Variants in CYP4Z1 observed in about 807,000 individuals in gnomAD.
CYP4Z1 encodes the protein cytochrome P450 family 4 subfamily Z member 1, also known as cytochrome P450 4Z1.
In CYP4Z1, 41 loss-of-function variants were observed where a neutral mutation model predicts 54.2. That is an observed-to-expected ratio of 0.76 (90% confidence interval 0.59 to 0.98). The LOEUF (loss-of-function observed/expected upper bound fraction) is 0.98, where lower values mean the gene tolerates loss of function less well. CYP4Z1 is among the 50% of genes least tolerant of loss of function. The pLI, the probability that CYP4Z1 is intolerant of heterozygous loss-of-function variation, is 0.00. For synonymous variants in CYP4Z1, 163 were observed against 206.2 expected (o/e 0.79, Z 1.79); for missense variants, 513 against 599.0 (o/e 0.86, Z 1.50).
At chr1:47,074,057 C>G (rs1364230564) in intron 2 of CYP4Z1, among the ~76,000 whole-genome samples, 2 of 152,112 alleles carry the variant, frequency 1.3e-5, no homozygotes, top group African/African-American at 2.4e-5. Flanking sequence ...ATTTTTTCTT[C>G]TAAGAGTTTT....
upstream of CYP4Z1, among the ~76,000 whole-genome samples, chr1:47,064,259 T>C (rs1644438827): frequency 6.6e-6 from 1 of 151,950 alleles, no homozygotes; most frequent in African/African-American, 2.4e-5. Context: ...AATTTTTCTA[T>C]TTTTAGTAGA....
chr1:47,109,653 C>T (rs1020087363), intron 9 of CYP4Z1, among the ~76,000 whole-genome samples: 2 of 152,138 alleles, frequency 1.3e-5, no homozygotes, highest in African/African-American at 4.8e-5. Flanking sequence ...GATCCCTTTT[C>T]ACTAATCTTA....
At chr1:47,099,340 T>C in intron 8 of CYP4Z1, 56 bp downstream of exon 8, 1 of 1,458,944 alleles carries the variant, frequency 6.9e-7, no homozygotes, top group Non-Finnish European at 9.2e-7. Context: ...TTTGATTATT[T>C]CTCTCTTCCG....
intron 2 of CYP4Z1, among the ~76,000 whole-genome samples, chr1:47,077,998 G>A (rs1644537731): frequency 1.3e-5 from 2 of 151,826 alleles, no homozygotes; most frequent in Non-Finnish European, 2.9e-5. Context: ...TTTTGGTATG[G>A]TAACATTTTT....
chr1:47,082,271 T>C, intron 3 of CYP4Z1, 63 bp from the exon 4 acceptor site: 2 of 1,546,220 alleles, frequency 1.3e-6, no homozygotes, highest in Middle Eastern at 1.8e-4. Flanking sequence ...GCTCACTGCG[T>C]GCCTAGTCTT....
At chr1:47,068,195 G>C (rs2148524052) in intron 1 of CYP4Z1, among the ~76,000 whole-genome samples, 1 of 152,252 alleles carries the variant, frequency 6.6e-6, no homozygotes, top group South Asian at 2.1e-4. Context: ...GATGAGGTAG[G>C]GCATCAGTGG....
intron 6 of CYP4Z1, among the ~76,000 whole-genome samples, chr1:47,085,691 T>C (rs1222284299): frequency 6.6e-6 from 1 of 152,144 alleles, no homozygotes; most frequent in Non-Finnish European, 1.5e-5. Flanking sequence ...TTCTTTTTCT[T>C]TTCCTTTTTT....
Position 47,106,271 on chromosome 1 carries a change from CTT to C in CYP4Z1, c.1201+25_1201+26del, listed in dbSNP as rs34936674. ...CGCTCCTTACCTGCAGGTCTTAAAA[CTT>C]TTTTTTTTTTTTTTAACAATGCAGC... is the stretch of plus-strand genomic sequence containing the variant. On this transcript the variant is annotated intron_variant, in intron 9 of 11. Transcript: ENST00000334194. The C allele has an allele frequency of 8.7e-3, 12,891 of 1,475,114 alleles. 18 individuals are homozygous for C. The highest frequency in any genetic ancestry group is 0.032 in the African/African-American group (2,216 of 68,526). 91.4% of individuals were successfully genotyped at this position (1,475,114 alleles called of 1,614,324 possible). A position where few individuals can be genotyped will look rare whatever the true frequency, so the allele number is the denominator to read the frequency against.
intron 11 of CYP4Z1, 102 bp from the exon 12 acceptor site, chr1:47,117,664 C>A: frequency 7.8e-7 from 1 of 1,285,894 alleles, no homozygotes; most frequent in Non-Finnish European, 1.0e-6. Flanking sequence ...AAAAATGGAT[C>A]TTGTTTCCCT....
upstream of CYP4Z1, among the ~76,000 whole-genome samples, chr1:47,067,035 C>T (rs1034534435): frequency 6.6e-6 from 1 of 151,982 alleles, no homozygotes; most frequent in African/African-American, 2.4e-5. Flanking sequence ...ATGGGAACTC[C>T]CTGAACTTTC....
chr1:47,061,658 G>A, the CYP4Z1 span, among the ~76,000 whole-genome samples: 2 of 152,284 alleles, frequency 1.3e-5, no homozygotes, highest in African/African-American at 4.8e-5. Context: ...TTGAGAAGGA[G>A]GGACTCTGCT....
At chr1:47,105,929 G>T (rs2016160) in intron 8 of CYP4Z1, among the ~76,000 whole-genome samples, 199 bp from the exon 9 acceptor site, 1 of 151,586 alleles carries the variant, frequency 6.6e-6, no homozygotes, top group South Asian at 2.1e-4. Flanking sequence ...GGGGGGGGGA[G>T]AATCACTTAC....
rs1340893286 is a variant in CYP4Z1, at chr1:47,099,235, T to C, written c.1018T>C (p.Cys340Arg). ...LAKYPEHQQR[C>R]RDEIRELLGD... is the part of the protein sequence containing the mutation. ...AAAGTACCCTGAGCATCAGCAGAGA[T>C]GCCGAGATGAAATCAGGGAACTCCT... is the stretch of plus-strand genomic sequence containing the variant. Residue 340 changes from cysteine to arginine, a missense_variant, in exon 8 of 12, where the codon TGC becomes CGC. Physicochemically the swap from Cys to Arg is radical, Grantham distance 180 (BLOSUM62 -3). Transcript: ENST00000334194. 1 of 1,613,654 alleles carries C rather than the reference T, an allele frequency of 6.2e-7. No homozygotes were observed. The highest frequency in any genetic ancestry group is 8.5e-7 in the Non-Finnish European group (1 of 1,179,902).
At chr1:47,104,783 C>A (rs1350678212) in intron 8 of CYP4Z1, among the ~76,000 whole-genome samples, 4 of 152,060 alleles carry the variant, frequency 2.6e-5, no homozygotes, top group Admixed American at 2.6e-4. Context: ...CCTCAGACCC[C>A]CTAGTAGTGT....
chr1:47,063,819 A>T (rs1421718138), upstream of CYP4Z1, among the ~76,000 whole-genome samples: 1 of 151,822 alleles, frequency 6.6e-6, no homozygotes, highest in East Asian at 1.9e-4. Flanking sequence ...AACATATTTG[A>T]GGGAATAATC....
In CYP4Z1 at chr1:47,097,512, C is replaced by A. The variant is rs150156762; in HGVS notation, c.877-1582C>A. Among the ~76,000 whole-genome samples, 757 of 152,252 alleles carry A rather than the reference C, an allele frequency of 5.0e-3. 8 individuals carry two copies. The highest frequency in any genetic ancestry group is 0.017 in the African/African-American group (709 of 41,548). On this transcript the variant is annotated intron_variant, in intron 7 of 11. Coordinates refer to ENST00000334194, the MANE Select transcript of CYP4Z1 (RefSeq NM_178134.3). ...TTTGCACATAATGTAAAGAAGTTTCCATTTTTTCCATATGACTAGCCAGTT... is the reference window on the plus strand; with the variant it reads ...TTTGCACATAATGTAAAGAAGTTTCAATTTTTTCCATATGACTAGCCAGTT...
At chr1:47,115,721 A>T (rs1373100986) in intron 10 of CYP4Z1, 128 bp downstream of exon 10, 2 of 874,722 alleles carry the variant, frequency 2.3e-6, no homozygotes, top group Non-Finnish European at 3.6e-6. Context: ...ACAGAACAAA[A>T]ACCCTATGCT....
chr1:47,102,807 G>A (rs1644730175), intron 8 of CYP4Z1, among the ~76,000 whole-genome samples: 1 of 152,160 alleles, frequency 6.6e-6, no homozygotes, highest in Admixed American at 6.5e-5. Context: ...CTGTAGAGAA[G>A]ACCTTTTGAA....
At chr1:47,086,659 T>C (rs151213948) in intron 6 of CYP4Z1, among the ~76,000 whole-genome samples, 2 of 152,212 alleles carry the variant, frequency 1.3e-5, no homozygotes, top group Admixed American at 6.5e-5. Flanking sequence ...TTCACTCTGA[T>C]GGTAGTTTCT....
Sources: allele counts gnomAD v4.1 joint callset (sites outside exome capture counted in the v4.1 genomes callset), GRCh38; gene constraint gnomAD v4.1.1; transcripts MANE v1.5; gene names NCBI Gene and HGNC (gene_info 2026-07-23, HGNC 2026-07-21).